Variants in OXSR1 observed in about 807,000 individuals in gnomAD.
The protein encoded by OXSR1 is oxidative stress responsive kinase 1.
OXSR1 carries 24 observed loss-of-function variants against 79.8 expected under a neutral mutation model. The ratio of observed to expected loss-of-function variants is 0.30; its 90% CI spans 0.22 to 0.42. The LOEUF (loss-of-function observed/expected upper bound fraction) is 0.42, where lower values mean the gene tolerates loss of function less well. OXSR1 is among the 10% of genes least tolerant of loss of function. The pLI is 1.00. For missense variants in OXSR1, 430 were observed against 618.4 expected (o/e 0.70, Z 3.23); for synonymous variants, 226 against 209.2 (o/e 1.08, Z -0.69).
intron 2 of OXSR1, among the ~76,000 whole-genome samples, chr3:38,183,416 G>C (rs544336334): frequency 6.6e-6 from 1 of 152,196 alleles, no homozygotes; most frequent in African/African-American, 2.4e-5. Context: ...ATTTATCATA[G>C]AACTTTTTCT....
At chr3:38,246,367 C>A in intron 13 of OXSR1, 146 bp downstream of exon 13, 1 of 739,098 alleles carries the variant, frequency 1.4e-6, no homozygotes, top group Non-Finnish European at 2.1e-6. Flanking sequence ...CATTTTTAAG[C>A]ATGTACAGGT....
intron 4 of OXSR1, among the ~76,000 whole-genome samples, chr3:38,206,210 G>A (rs1222753169): frequency 2.0e-5 from 3 of 151,980 alleles, no homozygotes; most frequent in Non-Finnish European, 4.4e-5. Flanking sequence ...CTTTATTAGG[G>A]GATTTGCTCA....
chr3:38,234,379 A>G (rs1002728516), intron 10 of OXSR1, among the ~76,000 whole-genome samples: 2 of 152,334 alleles, frequency 1.3e-5, no homozygotes, highest in Admixed American at 6.5e-5. Context: ...TCTAGAATAT[A>G]TAAAGAACTT....
At chr3:38,231,441 T>A (rs962374249) in intron 10 of OXSR1, among the ~76,000 whole-genome samples, 1 of 152,256 alleles carries the variant, frequency 6.6e-6, no homozygotes, top group South Asian at 2.1e-4. Context: ...GCTACTAGGT[T>A]AAAAACTCAC....
At chr3:38,191,358 G>A (rs1034321646) in intron 3 of OXSR1, among the ~76,000 whole-genome samples, 1 of 151,900 alleles carries the variant, frequency 6.6e-6, no homozygotes, top group African/African-American at 2.4e-5. Flanking sequence ...GAGCCATTGT[G>A]CCTGGTCTAA....
At chr3:38,209,985 A>G (rs913593055) in intron 4 of OXSR1, among the ~76,000 whole-genome samples, 2 of 151,374 alleles carry the variant, frequency 1.3e-5, no homozygotes, top group Non-Finnish European at 2.9e-5. Flanking sequence ...CTCAGTTTTT[A>G]TTTGTCTGAG....
intron 1 of OXSR1, among the ~76,000 whole-genome samples, chr3:38,176,461 G>C (rs556391952): frequency 6.6e-6 from 1 of 152,272 alleles, no homozygotes; most frequent in Non-Finnish European, 1.5e-5. Context: ...TGATTATTCT[G>C]AATTACTGTT....
At chr3:38,228,595 C>T (rs1464732153) in intron 8 of OXSR1, among the ~76,000 whole-genome samples, 1 of 152,148 alleles carries the variant, frequency 6.6e-6, no homozygotes, top group African/African-American at 2.4e-5. Flanking sequence ...GTTTTTGAGA[C>T]AGTCTTGCTT....
intron 11 of OXSR1, among the ~76,000 whole-genome samples, chr3:38,239,373 T>C (rs1702982257): frequency 6.6e-6 from 1 of 152,214 alleles, no homozygotes; most frequent in Non-Finnish European, 1.5e-5. Context: ...TAAGTCTTCT[T>C]GAGCTTTGTT....
chr3:38,190,688 AG>A (rs754055858), intron 2 of OXSR1, 42 bp from the exon 3 acceptor site: 1 of 1,105,698 alleles, frequency 9.0e-7, no homozygotes, highest in South Asian at 1.3e-5. Context: ...CATTTGTTTT[AG>A]GCTTGCATAT....
intron 4 of OXSR1, among the ~76,000 whole-genome samples, chr3:38,205,727 C>T (rs567081653): frequency 2.6e-5 from 4 of 152,296 alleles, no homozygotes; most frequent in East Asian, 1.9e-4. Context: ...TGCCAGTCAT[C>T]GTGGTCTGTC....
intron 1 of OXSR1, among the ~76,000 whole-genome samples, chr3:38,170,180 G>T (rs527568735): frequency 1.3e-5 from 2 of 152,022 alleles, no homozygotes; most frequent in Non-Finnish European, 2.9e-5. Context: ...AAGTAGGTGG[G>T]ATTACACATG....
intron 4 of OXSR1, among the ~76,000 whole-genome samples, chr3:38,210,726 G>C (rs1702369194): frequency 6.6e-6 from 1 of 152,146 alleles, no homozygotes; most frequent in African/African-American, 2.4e-5. Context: ...CTATCTTCCT[G>C]TCTACATTTT....
chr3:38,165,838 A>T lies in OXSR1; in HGVS notation c.-39A>T. The T allele has an allele frequency of 1.3e-6, 2 of 1,575,888 alleles. No individual in the cohort carries two copies. Among genetic ancestry groups the T allele is most frequent in the Non-Finnish European group, 8.7e-7 (1 of 1,154,898 alleles). The stretch of plus-strand genomic sequence containing the variant: ...GCGCGGCGAGGAGACGAGCGAGGTC[A>T]GCGAGTTTGAGGGAGGACCGCGAGC... On this transcript the variant is annotated 5_prime_UTR_variant, in exon 1 of 18. Coordinates refer to ENST00000311806, the MANE Select transcript of OXSR1 (RefSeq NM_005109.3).
At chr3:38,165,992 G>A (rs1162386253) in intron 1 of OXSR1, 46 bp downstream of exon 1, 3 of 1,542,044 alleles carry the variant, frequency 1.9e-6, no homozygotes, top group Non-Finnish European at 2.7e-6. Flanking sequence ...GCTGGGAGGC[G>A]GGGGACACGG....
chr3:38,224,481 C>A, intron 7 of OXSR1, 90 bp from the exon 8 acceptor site: 1 of 918,114 alleles, frequency 1.1e-6, no homozygotes, highest in Non-Finnish European at 1.7e-6. Flanking sequence ...GTATGTTGGT[C>A]GGGGGGTGCC....
At chr3:38,224,284 C>T (rs1702645215) in intron 7 of OXSR1, among the ~76,000 whole-genome samples, 3 of 152,180 alleles carry the variant, frequency 2.0e-5, no homozygotes, top group Admixed American at 2.0e-4. Flanking sequence ...AGCGTAATGT[C>T]CCCAAGTTTC....
At chr3:38,219,087 A>G (rs1257445654) in intron 5 of OXSR1, among the ~76,000 whole-genome samples, 3 of 152,178 alleles carry the variant, frequency 2.0e-5, no homozygotes. Flanking sequence ...TTCTGTTTTT[A>G]ACTTTATGGT....
Position 38,236,025 on chromosome 3 carries a change from G to A in OXSR1, c.952-814G>A, listed in dbSNP as rs968400493. On this transcript the variant is annotated intron_variant, in intron 10 of 17. Transcript: ENST00000311806. Reference sequence around the variant, plus strand: ...GAGTCTTCTTCAAGAAGATGATACCGACAGAATACCCATTTGAATGTGGTA... The same window carrying A: ...GAGTCTTCTTCAAGAAGATGATACCAACAGAATACCCATTTGAATGTGGTA... 2.6e-5 allele frequency among the ~76,000 whole-genome samples: 4 copies of A among 152,136 alleles called. No individual in the cohort carries two copies. In the South Asian group the frequency reaches 6.2e-4, roughly 24 times the overall value.
Sources: gnomAD v4.1 joint callset for allele counts (sites outside exome capture counted in the v4.1 genomes callset) on GRCh38, gnomAD v4.1.1 for gene constraint, MANE v1.5 for transcripts, NCBI Gene and HGNC (gene_info 2026-07-23, HGNC 2026-07-21) for gene names.